Variants in MBNL1 observed in about 807,000 individuals in gnomAD.
MBNL1 encodes the protein muscleblind like splicing regulator 1.
In MBNL1, 8 loss-of-function variants were observed where a neutral mutation model predicts 42.2. That is an observed-to-expected ratio of 0.19 (90% CI 0.11 to 0.34). The LOEUF is 0.34. Among genes scored for constraint, MBNL1 ranks in the 10% least tolerant of loss-of-function variants. The probability of loss-of-function intolerance (pLI) is 1.00; values close to 1 mark genes in which losing one functional copy is unlikely to be tolerated. For synonymous variants in MBNL1, 169 were observed against 173.9 expected (o/e 0.97, Z 0.22); for missense variants, 309 against 495.3 (o/e 0.62, Z 3.57).
intron 2 of MBNL1, among the ~76,000 whole-genome samples, chr3:152,333,380 T>C (rs1176848610): frequency 6.6e-6 from 1 of 152,250 alleles, no homozygotes; most frequent in Non-Finnish European, 1.5e-5. Context: ...TGCATATTTG[T>C]ACACAGTTAG....
At position 152,356,856 on chromosome 3, in the gene MBNL1, A is replaced by AGTGTGTGTGTGTGTGTGTGTGTGT. The variant is rs59868027; in HGVS notation, c.174+56490_174+56513dup. Among the ~76,000 whole-genome samples, 15 of 149,490 alleles carry AGTGTGTGTGTGTGTGTGTGTGTGT rather than the reference A, an allele frequency of 1.0e-4. No homozygotes were observed. In the South Asian group the frequency reaches 3.0e-3, roughly 30 times the overall value. ...AGAGGGGATCTGGGCATATGTGTGT[A>AGTGTGTGTGTGTGTGTGTGTGTGT]GTGTGTGTGTGTGTGTGTGTGTGTT... On this transcript the variant is annotated intron_variant, in intron 2 of 9. Coordinates refer to ENST00000324210, the MANE Select transcript of MBNL1 (RefSeq NM_021038.5).
intron 1 of MBNL1, among the ~76,000 whole-genome samples, chr3:152,298,031 C>T (rs898194633): frequency 3.9e-5 from 6 of 152,150 alleles, no homozygotes; most frequent in South Asian, 2.1e-4. Flanking sequence ...GTTTTTTAAA[C>T]GAAATTTAGT....
intron 2 of MBNL1, among the ~76,000 whole-genome samples, chr3:152,334,871 C>T (rs1305462039): frequency 1.3e-5 from 2 of 152,142 alleles, no homozygotes; most frequent in African/African-American, 4.8e-5. Flanking sequence ...GTATTCATCA[C>T]CTCGTTTGGG....
chr3:152,413,648 A>C (rs765484267), intron 2 of MBNL1, among the ~76,000 whole-genome samples: 3 of 152,248 alleles, frequency 2.0e-5, no homozygotes, highest in African/African-American at 7.2e-5. Context: ...AAGTATAAGC[A>C]TCAGAGTCAA....
At chr3:152,439,327 T>C (rs939513813) in intron 4 of MBNL1, among the ~76,000 whole-genome samples, 1 of 152,126 alleles carries the variant, frequency 6.6e-6, no homozygotes, top group Non-Finnish European at 1.5e-5. Context: ...TATGTTGGGA[T>C]TTTTTAGGTG....
Position 152,300,088 on chromosome 3 carries a change from C to A in MBNL1, c.-106C>A. On this transcript the variant is annotated 5_prime_UTR_variant, in exon 2 of 10. Coordinates refer to ENST00000324210, the MANE Select transcript of MBNL1 (RefSeq NM_021038.5). ...AGTGGGGAAAAGTATTTTGAGGGGACATTTTCATCATCAGTTCAGCTTTTT... is the reference window on the plus strand; with the variant it reads ...AGTGGGGAAAAGTATTTTGAGGGGAAATTTTCATCATCAGTTCAGCTTTTT... 1 of 643,502 alleles carries A rather than the reference C, an allele frequency of 1.6e-6. No homozygotes were observed. 39.9% of individuals were successfully genotyped at this position (643,502 alleles called of 1,614,324 possible).
In MBNL1 at chr3:152,399,952, T is replaced by A. The variant is rs138139285; in HGVS notation, c.175-14989T>A. Among the ~76,000 whole-genome samples, 959 of 152,356 alleles carry A rather than the reference T, an allele frequency of 6.3e-3. 9 individuals carry two copies. The highest frequency in any genetic ancestry group is 0.022 in the African/African-American group (916 of 41,578). ...TCAGTCCCTGGATTATTTAGGTCAC[T>A]TTCATTCTGGCTACCAAATGGTAGA... On this transcript the variant is annotated intron_variant, in intron 2 of 9. Coordinates refer to ENST00000324210, the MANE Select transcript of MBNL1 (RefSeq NM_021038.5).
At chr3:152,422,798 C>G (rs1050943058) in intron 3 of MBNL1, among the ~76,000 whole-genome samples, 2 of 152,184 alleles carry the variant, frequency 1.3e-5, no homozygotes, top group Middle Eastern at 3.2e-3. Context: ...GAAACTCACT[C>G]AAAACCACAC....
At position 152,418,826 on chromosome 3, in the gene MBNL1, C is replaced by G. The variant is rs999701274; in HGVS notation, c.345+3715C>G. 4.7e-5 allele frequency among the ~76,000 whole-genome samples: 7 copies of G among 150,110 alleles called. No homozygotes were observed. In the East Asian group the frequency reaches 1.4e-3, roughly 30 times the overall value. On this transcript the variant is annotated intron_variant, in intron 3 of 9. Transcript: ENST00000324210. ...CCGCCTCCCAAGTTCACACCGTTCT[C>G]TTGCCTCAGCCTCCTGAGTACCTGG...
intron 3 of MBNL1, among the ~76,000 whole-genome samples, chr3:152,432,403 A>G (rs566953239): frequency 2.0e-5 from 3 of 152,324 alleles, no homozygotes; most frequent in East Asian, 1.9e-4. Context: ...TTAGATGACC[A>G]CAAGAAGTTT....
intron 2 of MBNL1, among the ~76,000 whole-genome samples, chr3:152,356,087 G>C (rs867622625): frequency 2.6e-5 from 4 of 151,988 alleles, no homozygotes; most frequent in Non-Finnish European, 4.4e-5. Flanking sequence ...TTCCAGAATC[G>C]TGTGAAATTT....
At chr3:152,459,682 G>C (rs1159220169) in intron 9 of MBNL1, among the ~76,000 whole-genome samples, 1 of 152,090 alleles carries the variant, frequency 6.6e-6, no homozygotes, top group Non-Finnish European at 1.5e-5. Flanking sequence ...TATTTTTGCT[G>C]TGTGGGCCGT....
chr3:152,252,916 T>C (rs1359271942), intron 2 of MBNL1, among the ~76,000 whole-genome samples: 1 of 152,100 alleles, frequency 6.6e-6, no homozygotes, highest in Non-Finnish European at 1.5e-5. Flanking sequence ...TAACTGAAAA[T>C]AAACCCTAAA....
chr3:152,245,756 GTCT>G (rs1394177140), intron 2 of MBNL1, among the ~76,000 whole-genome samples: 8 of 152,092 alleles, frequency 5.3e-5, no homozygotes, highest in Non-Finnish European at 1.0e-4. Flanking sequence ...AATAGTTGCT[GTCT>G]TCTTATTATA....
At chr3:152,386,241 C>A (rs1282224504) in intron 2 of MBNL1, among the ~76,000 whole-genome samples, 1 of 151,768 alleles carries the variant, frequency 6.6e-6, no homozygotes, top group African/African-American at 2.4e-5. Context: ...AGCATGTGTT[C>A]ATTTTTGGTT....
rs35149542 is a variant in MBNL1, at chr3:152,418,614, T to TAA, written c.345+3519_345+3520dup. On this transcript the variant is annotated intron_variant, in intron 3 of 9. Coordinates refer to ENST00000324210, the MANE Select transcript of MBNL1 (RefSeq NM_021038.5). Reference sequence around the variant, plus strand: ...GGGTGTCAGAATAAGACCCTGTCTCTAAAAAAAAAAAAAAAAAGAGAGAGA... The same window carrying TAA: ...GGGTGTCAGAATAAGACCCTGTCTCTAAAAAAAAAAAAAAAAAAAGAGAGAGA... Among the ~76,000 whole-genome samples, 761 of 106,906 alleles carry TAA rather than the reference T, an allele frequency of 7.1e-3. 14 individuals carry two copies. The highest frequency in any genetic ancestry group is 0.03 in the Middle Eastern group (6 of 198). 70.1% of individuals were successfully genotyped at this position (106,906 alleles called of 152,430 possible). A position where few individuals can be genotyped will look rare whatever the true frequency, so the allele number is the denominator to read the frequency against.
intron 2 of MBNL1, among the ~76,000 whole-genome samples, chr3:152,320,676 T>G (rs2075896453): frequency 6.7e-6 from 1 of 149,130 alleles, no homozygotes; most frequent in Non-Finnish European, 1.5e-5. Context: ...TTATCAGTTT[T>G]TTCTTTCTTT....
intron 2 of MBNL1, among the ~76,000 whole-genome samples, chr3:152,343,523 A>G (rs1018413081): frequency 1.3e-5 from 2 of 152,130 alleles, no homozygotes; most frequent in South Asian, 4.1e-4. Context: ...TGCATGTTTG[A>G]TAATTAAATA....
intron 1 of MBNL1, among the ~76,000 whole-genome samples, chr3:152,282,087 C>T (rs2048832309): frequency 6.6e-6 from 1 of 152,082 alleles, no homozygotes; most frequent in Non-Finnish European, 1.5e-5. Flanking sequence ...ATCCATTCTC[C>T]AACTAATGCG....
Sources: allele counts gnomAD v4.1 joint callset (sites outside exome capture counted in the v4.1 genomes callset), GRCh38; gene constraint gnomAD v4.1.1; transcripts MANE v1.5; gene names NCBI Gene and HGNC (gene_info 2026-07-23, HGNC 2026-07-21).